MCF2L: variants seen among roughly 807,000 people sequenced by gnomAD.
MCF2L encodes guanine nucleotide exchange factor DBS.
Under a neutral mutation model 153.4 loss-of-function variants are expected in MCF2L, and 97 were observed. That is an observed-to-expected ratio of 0.63 (90% CI 0.54 to 0.75). The LOEUF (loss-of-function observed/expected upper bound fraction) is 0.75. Ranked by LOEUF, MCF2L falls within the 30% of genes least tolerant of loss-of-function variation. MCF2L has a pLI of 0.00. For missense variants in MCF2L, 1,347 were observed against 1,495.2 expected, an observed-to-expected ratio of 0.90 and a Z score of 1.64; for synonymous variants, 659 against 632.2, an observed-to-expected ratio of 1.04 and a Z score of -0.64.
At chr13:113,091,075 C>T (rs1474299299) in intron 26 of MCF2L, 1 of 1,304,220 alleles carries the variant, frequency 7.7e-7, no homozygotes, top group East Asian at 5.6e-5. Flanking sequence ...CTCCGTCCTT[C>T]ACACTCTCTC....
chr13:113,009,010 C>CGGAGAGG (rs1174279222), intron 1 of MCF2L: 1 of 151,480 alleles, frequency 6.6e-6, no homozygotes, highest in African/African-American at 2.4e-5. Flanking sequence ...GAGCGGAGAG[C>CGGAGAGG]GAAGCTCTGG....
At chr13:113,002,274 C>T (rs2083427611) in intron 1 of MCF2L, among the ~76,000 whole-genome samples, 1 of 152,244 alleles carries the variant, frequency 6.6e-6, no homozygotes, top group Admixed American at 6.5e-5. Flanking sequence ...TGCCCTTGGC[C>T]TGTGAGGGAC....
At chr13:113,047,415 T>C in intron 4 of MCF2L, 1 of 152,186 alleles carries the variant, frequency 6.6e-6, no homozygotes, top group Non-Finnish European at 1.5e-5. Context: ...CTCTAAAAAT[T>C]AAATCATAAG....
chr13:112,898,007 G>C (rs1372602113), intron 1 of MCF2L, among the ~76,000 whole-genome samples: 1 of 152,208 alleles, frequency 6.6e-6, no homozygotes, highest in Non-Finnish European at 1.5e-5. Context: ...CCGGCCCTGG[G>C]TCATGGCTTT....
chr13:112,969,442 G>T lies in MCF2L; in HGVS notation c.63G>T (p.Ala21=), dbSNP rs1672992740. 4 of 1,550,396 alleles carry T rather than the reference G, an allele frequency of 2.6e-6. No homozygotes were observed. The highest frequency in any genetic ancestry group is 3.5e-6 in the Non-Finnish European group (4 of 1,146,852). ...ALEEMVQRLN[A]VSKHTDEIMH... ...AAGAAATGGTGCAGAGATTAAATGCGGTTTCCAAGCACACGGGTAGGAGGA... is the reference window on the plus strand; with the variant it reads ...AAGAAATGGTGCAGAGATTAAATGCTGTTTCCAAGCACACGGGTAGGAGGA... The change falls in exon 1 of 30, where the codon GCG becomes GCT. Residue 21 remains alanine (A), a synonymous_variant. Transcript: ENST00000535094. This position sits in a 1 kb window ranked among gnomAD's most constrained non-coding sequence, Gnocchi z 4.8.
In MCF2L at chr13:113,089,708, AG is replaced by A; in HGVS notation, c.2934del (p.Lys978AsnfsTer69). On this transcript the variant is annotated frameshift_variant, in exon 26 of 30. Transcript: ENST00000535094. LOFTEE classifies it high-confidence loss of function. ...TACGTCAGCTCAGCGCCACTGACAA[AG>A]CCCCCCGAAAAGGGCAAAGGTGGGT... ...EGYVSSAPLT[K>X]PPEKGKGWSK... is the part of the protein sequence containing the mutation. The A allele has an allele frequency of 6.2e-7, 1 of 1,613,766 alleles. No individual in the cohort carries two copies. The highest frequency in any genetic ancestry group is 8.5e-7 in the Non-Finnish European group (1 of 1,179,974).
At chr13:113,090,510 C>T (rs1430925009) in intron 26 of MCF2L, 11 of 974,260 alleles carry the variant, frequency 1.1e-5, no homozygotes, top group Non-Finnish European at 1.3e-5. Context: ...GGCTGCGTGT[C>T]TCTGCTCCGC....
In MCF2L at chr13:113,097,183, A is replaced by C; in HGVS notation, c.*324A>C. The C allele has an allele frequency of 4.1e-6, 1 of 244,270 alleles. No homozygotes were observed. The highest frequency in any genetic ancestry group is 7.9e-6 in the Non-Finnish European group (1 of 127,086). 15.1% of individuals were successfully genotyped at this position (244,270 alleles called of 1,614,324 possible). A position where few individuals can be genotyped will look rare whatever the true frequency, so the allele number is the denominator to read the frequency against. Reference sequence around the variant, plus strand: ...GACGGTGCTTTCAGGGGACGCGCGGACCGTGGTGGAGCTGCTTCCGGAGAA... The same window carrying C: ...GACGGTGCTTTCAGGGGACGCGCGGCCCGTGGTGGAGCTGCTTCCGGAGAA... On this transcript the variant is annotated 3_prime_UTR_variant, in exon 30 of 30. Transcript: ENST00000535094.
chr13:113,012,398 A>G lies in MCF2L; in HGVS notation c.80-2365A>G, dbSNP rs2084206511. Reference sequence around the variant, plus strand: ...TGGACAGGCAGTGTGGACGGTGGACACTGTGATGCGGACGGTGGACAGGCA... The same window carrying G: ...TGGACAGGCAGTGTGGACGGTGGACGCTGTGATGCGGACGGTGGACAGGCA... On this transcript the variant is annotated intron_variant, in intron 1 of 29. Coordinates refer to ENST00000535094, the MANE Select transcript of MCF2L (RefSeq NM_001112732.3). Among the ~76,000 whole-genome samples, 3 of 100,574 alleles carry G rather than the reference A, an allele frequency of 3.0e-5. 1 individual carries two copies. Among genetic ancestry groups the G allele is most frequent in the Admixed American group, 9.7e-5 (1 of 10,294 alleles). The allele number at this position is 100,574 out of a possible 152,430, so 66.0% of individuals were successfully genotyped here.
At chr13:113,029,383 T>C (rs2085504616) in intron 3 of MCF2L, among the ~76,000 whole-genome samples, 1 of 152,210 alleles carries the variant, frequency 6.6e-6, no homozygotes, top group Non-Finnish European at 1.5e-5. Context: ...AGGGAAATCT[T>C]CTTCCTAAGG....
At chr13:112,909,567 G>C in intron 2 of MCF2L, 1 of 454,274 alleles carries the variant, frequency 2.2e-6, no homozygotes. Flanking sequence ...ATTTGGAGGA[G>C]AGTCTAATAA....
At chr13:113,011,758 G>A (rs548042663) in intron 1 of MCF2L, among the ~76,000 whole-genome samples, 2 of 135,334 alleles carry the variant, frequency 1.5e-5, no homozygotes, top group Non-Finnish European at 1.6e-5. Context: ...TGATGAGGAC[G>A]GTGGACAGGC....
At chr13:113,030,235 G>T (rs990655695) in intron 3 of MCF2L, among the ~76,000 whole-genome samples, 2 of 151,998 alleles carry the variant, frequency 1.3e-5, no homozygotes. Context: ...GGACTCTCAG[G>T]TGTCCGCTGA....
chr13:112,979,777 G>C (rs6577024), intron 1 of MCF2L: 408,147 of 1,602,466 alleles, frequency 0.25, 53,080 homozygotes, highest in Admixed American at 0.29. Flanking sequence ...CAATGGGGTC[G>C]CAGGGCATGG....
Position 113,047,633 on chromosome 13 carries a change from C to T in MCF2L, c.369+2272C>T, listed in dbSNP as rs573072798. Among the ~76,000 whole-genome samples the T allele has an allele frequency of 5.9e-5, 9 of 152,382 alleles. No individual in the cohort carries two copies. The East Asian group carries it at 9.6e-4, about 16-fold the overall frequency. On this transcript the variant is annotated intron_variant, in intron 4 of 29. Coordinates refer to ENST00000535094, the MANE Select transcript of MCF2L (RefSeq NM_001112732.3). ...CTTAGCAACACGTGGGTGTAGGAGT[C>T]GGCCTCCCTGCCAGGGCACTTGCGG...
intron 1 of MCF2L, chr13:113,002,077 G>A (rs1367171848): frequency 8.1e-6 from 11 of 1,365,816 alleles, no homozygotes; most frequent in South Asian, 3.3e-5. Context: ...TCTGGGCCCA[G>A]CCCTGTCCTC....
At chr13:113,000,014 A>G (rs559368648) in intron 1 of MCF2L, among the ~76,000 whole-genome samples, 6 of 148,768 alleles carry the variant, frequency 4.0e-5, no homozygotes, top group East Asian at 2.0e-4. Flanking sequence ...AGACGCCGGC[A>G]GGCCCCAGAG....
At chr13:113,060,770 C>T in intron 5 of MCF2L, 58 bp downstream of exon 5, 2 of 1,593,904 alleles carry the variant, frequency 1.3e-6, no homozygotes, top group South Asian at 1.1e-5. Context: ...GCCGTCCTGG[C>T]CCATCTGTGA....
chr13:113,087,854 A>G (rs1595004082), intron 23 of MCF2L, 55 bp downstream of exon 23: 3 of 1,441,584 alleles, frequency 2.1e-6, no homozygotes, highest in Non-Finnish European at 2.9e-6. Flanking sequence ...ATGGTTTCTC[A>G]TGGGAACCAG....
Sources: gnomAD v4.1 joint callset for allele counts (sites outside exome capture counted in the v4.1 genomes callset) on GRCh38, gnomAD v4.1.1 for gene constraint, Gnocchi (gnomAD v3.1) non-coding constraint, MANE v1.5 for transcripts, NCBI Gene and HGNC (gene_info 2026-07-23, HGNC 2026-07-21) for gene names.